The following STK36 variants were observed in gnomAD, a reference collection of about 807,000 sequenced individuals.
STK36 encodes serine/threonine-protein kinase 36.
Under a neutral mutation model 142.2 loss-of-function variants are expected in STK36, and 116 were observed. The observed-to-expected ratio is 0.82, with a 90% confidence interval of 0.70 to 0.95. The LOEUF is 0.95. Ranked by LOEUF, STK36 falls within the 40% of genes least tolerant of loss-of-function variation. The pLI, the probability that STK36 is intolerant of heterozygous loss-of-function variation, is 0.00. For missense variants in STK36, 1,422 were observed against 1,617.2 expected (o/e 0.88, Z 2.07); for synonymous variants, 619 against 641.7 (o/e 0.96, Z 0.53).
At chr2:218,699,958 C>T (rs574688029) in intron 26 of STK36, among the ~76,000 whole-genome samples, 4 of 151,900 alleles carry the variant, frequency 2.6e-5, no homozygotes, top group African/African-American at 7.2e-5. Context: ...GAGTTTCACT[C>T]GTACTGCCCA....
At chr2:218,684,103 G>A (rs1224835969) in intron 10 of STK36, among the ~76,000 whole-genome samples, 4 of 137,328 alleles carry the variant, frequency 2.9e-5, no homozygotes, top group Admixed American at 1.4e-4. Context: ...CCAGCCTCAC[G>A]ATCTTTTTTT....
chr2:218,691,740 T>C (rs1490709093), intron 14 of STK36, among the ~76,000 whole-genome samples: 1 of 152,090 alleles, frequency 6.6e-6, no homozygotes, highest in African/African-American at 2.4e-5. Context: ...GGATTTTTAG[T>C]AGAGACAGGG....
In STK36 at chr2:218,701,850, G is replaced by C; in HGVS notation, c.3805-16G>C. Reference sequence around the variant, plus strand: ...AGCCTCATGTTCTGTTCTATCATCTGTTCTCTATCCTACAGGTACTGGTGT... The same window carrying C: ...AGCCTCATGTTCTGTTCTATCATCTCTTCTCTATCCTACAGGTACTGGTGT... On this transcript the variant is annotated splice_polypyrimidine_tract_variant and intron_variant, in intron 26 of 26. Transcript: ENST00000295709. 3.1e-6 allele frequency: 5 copies of C among 1,613,706 alleles called. No individual in the cohort carries two copies. Among genetic ancestry groups the C allele is most frequent in the Non-Finnish European group, 4.2e-6 (5 of 1,179,790 alleles).
chr2:218,676,415 C>A lies in STK36; in HGVS notation c.684+137C>A, dbSNP rs1248918182. The stretch of plus-strand genomic sequence containing the variant: ...GAATTAATGGCTGTGTTATTCTGTT[C>A]TCGCATTGCTATACAGAACCACCTG... On this transcript the variant is annotated intron_variant, in intron 6 of 26. Transcript: ENST00000295709. 8 of 1,185,454 alleles carry A rather than the reference C, an allele frequency of 6.7e-6. No homozygotes were observed. The South Asian group carries it at 1.1e-4, about 16-fold the overall frequency. The allele number at this position is 1,185,454 out of a possible 1,614,324, so 73.4% of individuals were successfully genotyped here. A position where few individuals can be genotyped will look rare whatever the true frequency, so the allele number is the denominator to read the frequency against.
chr2:218,674,828 G>A (rs921293502), intron 4 of STK36, among the ~76,000 whole-genome samples: 4 of 152,088 alleles, frequency 2.6e-5, no homozygotes, highest in African/African-American at 7.2e-5. Flanking sequence ...TCGAACTGCT[G>A]GCCTCAGGTG....
chr2:218,701,155 C>T (rs937071618), intron 26 of STK36, among the ~76,000 whole-genome samples: 2 of 138,004 alleles, frequency 1.4e-5, no homozygotes, highest in Non-Finnish European at 3.1e-5. Flanking sequence ...TTTTTTGAGA[C>T]GGAGTCTCAC....
chr2:218,694,885 AG>A lies in STK36; in HGVS notation c.2511+253del, dbSNP rs569811954. ...GAGTGAGGGAGGGAAGGGAAGAGGAAGGGTGACTAACCTGAGTTTTCTGAGT... is the reference window on the plus strand; with the variant it reads ...GAGTGAGGGAGGGAAGGGAAGAGGAAGGTGACTAACCTGAGTTTTCTGAGT... On this transcript the variant is annotated intron_variant, in intron 21 of 26. Transcript: ENST00000295709. This position sits in a 1 kb window ranked among gnomAD's most constrained non-coding sequence, Gnocchi z 4.4. Among the ~76,000 whole-genome samples the A allele has an allele frequency of 0.014, 2,133 of 152,264 alleles. 17 individuals carry two copies. Among genetic ancestry groups the A allele is most frequent in the Non-Finnish European group, 0.021 (1,401 of 68,012 alleles).
In STK36 at chr2:218,692,151, T is replaced by C. The variant is rs1174435936; in HGVS notation, c.1773T>C (p.Thr591=). ...TLRRDSLMCF[T]VLCEAMDGNS... ...GCACTTCTCTCCTTTAGTGCTTTAC[T>C]GTCCTGTGCGAAGCCATGGATGGGA... Residue 591 remains threonine (T), a synonymous_variant, in exon 15 of 27, where the codon ACT becomes ACC. Coordinates refer to ENST00000295709, the MANE Select transcript of STK36 (RefSeq NM_015690.5). 6.2e-7 allele frequency: 1 copy of C among 1,614,214 alleles called. No homozygotes were observed. The highest frequency in any genetic ancestry group is 8.5e-7 in the Non-Finnish European group (1 of 1,180,034).
At position 218,696,668 on chromosome 2, in the gene STK36, G is replaced by A. The variant is rs549020963; in HGVS notation, c.2586+67G>A. The A allele has an allele frequency of 7.3e-5, 112 of 1,528,948 alleles. 1 individual carries two copies. The African/African-American group carries it at 1.4e-3, about 19-fold the overall frequency. The allele number at this position is 1,528,948 out of a possible 1,614,324, so 94.7% of individuals were successfully genotyped here. A position where few individuals can be genotyped will look rare whatever the true frequency, so the allele number is the denominator to read the frequency against. On this transcript the variant is annotated intron_variant, in intron 22 of 26. Transcript: ENST00000295709. ...GAACTGGGCATTTTGGGGAGCCTCTGGACCAGAGGAATGAAGAAGCAACCC... is the reference window on the plus strand; with the variant it reads ...GAACTGGGCATTTTGGGGAGCCTCTAGACCAGAGGAATGAAGAAGCAACCC...
rs1368915899 is a variant in STK36 at position 218,688,632 on chromosome 2, G to A, written c.1381-65G>A. 4 of 1,553,878 alleles carry A rather than the reference G, an allele frequency of 2.6e-6. No homozygotes were observed. In the African/African-American group the frequency reaches 5.5e-5, roughly 21 times the overall value. On this transcript the variant is annotated intron_variant, in intron 11 of 26. Transcript: ENST00000295709. ...CCAGCTCCTTGGGGATGCTTGGTAT[G>A]TGTAGTTCTCCTTCTTTTACCTCTG...
In STK36 at chr2:218,692,685, C is replaced by T. The variant is rs761431179; in HGVS notation, c.2018C>T (p.Pro673Leu). ...ATATGCACTGCTCCTGTGGGACTGC[C>T]CGACTGCTGGGATGCCAAGGAGCAG... Reference protein sequence around the residue: ...AAICTAPVGLPDCWDAKEQVC... With the variant: ...AAICTAPVGLLDCWDAKEQVC... Residue 673 changes from proline (P) to leucine (L), a missense_variant, in exon 16 of 27, where the codon CCC (proline) becomes CTC (leucine). Coordinates refer to ENST00000295709, the MANE Select transcript of STK36 (RefSeq NM_015690.5). 3 of 1,613,308 alleles carry T rather than the reference C, an allele frequency of 1.9e-6. No individual in the cohort carries two copies. The highest frequency in any genetic ancestry group is 4.5e-5 in the East Asian group (2 of 44,874).
chr2:218,683,839 G>A (rs1403334294), intron 10 of STK36, among the ~76,000 whole-genome samples: 1 of 151,650 alleles, frequency 6.6e-6, no homozygotes. Context: ...GTGGTGTTTG[G>A]TTTTTTGTTC....
Position 218,702,053 on chromosome 2 carries a change from C to A in STK36, c.*44C>A, listed in dbSNP as rs781135898. The A allele has an allele frequency of 6.2e-7, 1 of 1,607,140 alleles. No individual in the cohort carries two copies. The highest frequency in any genetic ancestry group is 1.3e-5 in the African/African-American group (1 of 74,734). Reference sequence around the variant, plus strand: ...CAGCCTCCAACTTTGGTTGCCAGCTCTTTCTTATTCTACTACACAAGCCGC... The same window carrying A: ...CAGCCTCCAACTTTGGTTGCCAGCTATTTCTTATTCTACTACACAAGCCGC... On this transcript the variant is annotated 3_prime_UTR_variant, in exon 27 of 27. Coordinates refer to ENST00000295709, the MANE Select transcript of STK36 (RefSeq NM_015690.5).
chr2:218,692,323 T>C, intron 15 of STK36, 30 bp downstream of exon 15: 1 of 1,612,594 alleles, frequency 6.2e-7, no homozygotes, highest in South Asian at 1.1e-5. Flanking sequence ...GAGGTTCTCT[T>C]GACTTACTTG....
At chr2:218,672,941 G>C in intron 2 of STK36, 28 bp downstream of exon 2, 2 of 1,603,462 alleles carry the variant, frequency 1.2e-6, no homozygotes, top group Non-Finnish European at 1.7e-6. Context: ...ATACCTTTTG[G>C]GTGGGATTTG....
chr2:218,700,701 G>A (rs139368497), intron 26 of STK36, among the ~76,000 whole-genome samples: 266 of 151,288 alleles, frequency 1.8e-3, no homozygotes, highest in Middle Eastern at 3.4e-3. Context: ...CTGCCTGACC[G>A]CGATTTTCAG....
chr2:218,692,287 C>A lies in STK36; in HGVS notation c.1909C>A (p.Pro637Thr). 6.2e-7 allele frequency: 1 copy of A among 1,614,164 alleles called. No individual in the cohort carries two copies. Among genetic ancestry groups the A allele is most frequent in the Non-Finnish European group, 8.5e-7 (1 of 1,180,046 alleles). The change falls in exon 15 of 27, where the codon CCC (proline) becomes ACC (threonine). Residue 637 changes from proline (P) to threonine (T), a missense_variant. Transcript: ENST00000295709. ...AGTTCCACAGCTCCCTGTCCACACTCCCCAAGGTAACCAGAGTGGAGAAGG... is the reference window on the plus strand; with the variant it reads ...AGTTCCACAGCTCCCTGTCCACACTACCCAAGGTAACCAGAGTGGAGAAGG... ...LTVPQLPVHT[P>T]QGAPQVSQPL...
intron 25 of STK36, 91 bp downstream of exon 25, chr2:218,698,092 G>C: frequency 3.9e-6 from 6 of 1,546,284 alleles, no homozygotes; most frequent in Non-Finnish European, 5.3e-6. Flanking sequence ...GGCTCTTCTA[G>C]GCCCCTGTAA....
At position 218,694,458 on chromosome 2, in the gene STK36, C is replaced by A. The variant is rs1941145881; in HGVS notation, c.2401-67C>A. The A allele has an allele frequency of 1.9e-6, 3 of 1,540,976 alleles. No homozygotes were observed. The highest frequency in any genetic ancestry group is 3.3e-5 in the Admixed American group (2 of 59,848). On this transcript the variant is annotated intron_variant, in intron 20 of 26. Transcript: ENST00000295709. The surrounding 1 kb of genome is among the most constrained non-coding windows in gnomAD (Gnocchi z 4.4). ...TTTGGACCAGGACAGAGACATAAAT[C>A]CTCTCTGCCTGTCCTGAATGCCATT...
Sources: allele counts gnomAD v4.1 joint callset (sites outside exome capture counted in the v4.1 genomes callset), GRCh38; gene constraint gnomAD v4.1.1; non-coding constraint Gnocchi (gnomAD v3.1); transcripts MANE v1.5; gene names NCBI Gene and HGNC (gene_info 2026-07-23, HGNC 2026-07-21).